CCL25: variants seen among roughly 807,000 people sequenced by gnomAD.
CCL25 encodes the protein C-C motif chemokine 25.
In CCL25, 14 loss-of-function variants were observed where a neutral mutation model predicts 19.9. That is an observed-to-expected ratio of 0.70 (90% CI 0.47 to 1.10). The LOEUF (loss-of-function observed/expected upper bound fraction) is 1.10, where lower values mean the gene tolerates loss of function less well. Ranked by LOEUF, CCL25 falls within the 50% of genes least tolerant of loss-of-function variation. The pLI, the probability that CCL25 is intolerant of heterozygous loss-of-function variation, is 0.00. For synonymous variants in CCL25, 68 were observed against 73.2 expected, an observed-to-expected ratio of 0.93 and a Z score of 0.36; for missense variants, 151 against 181.2, an observed-to-expected ratio of 0.83 and a Z score of 0.96.
At chr19:8,054,464 C>T (rs967332102) in intron 2 of CCL25, among the ~76,000 whole-genome samples, 13 of 152,228 alleles carry the variant, frequency 8.5e-5, no homozygotes, top group Non-Finnish European at 5.9e-5. Context: ...CTCCCTTTCC[C>T]TGCTCCTGCT....
At chr19:8,054,503 G>A (rs769349147) in intron 2 of CCL25, among the ~76,000 whole-genome samples, 4 of 152,118 alleles carry the variant, frequency 2.6e-5, no homozygotes, top group Admixed American at 6.6e-5. Context: ...ACTCAGACTC[G>A]GCCTCTGGAG....
intron 5 of CCL25, 31 bp downstream of exon 5, chr19:8,057,951 C>A: frequency 6.2e-7 from 1 of 1,602,444 alleles, no homozygotes; most frequent in South Asian, 1.1e-5. Context: ...GACTGTCTCC[C>A]ATCCATCACC....
chr19:8,055,029 G>A (rs986414120), intron 2 of CCL25, among the ~76,000 whole-genome samples: 3 of 150,892 alleles, frequency 2.0e-5, no homozygotes, highest in Admixed American at 6.6e-5. Context: ...AGTGGCTCAC[G>A]CCTGTAATCC....
At chr19:8,057,069 G>A (rs2081277403) in intron 4 of CCL25, among the ~76,000 whole-genome samples, 1 of 152,132 alleles carries the variant, frequency 6.6e-6, no homozygotes, top group East Asian at 1.9e-4. Flanking sequence ...CATCCAGGCT[G>A]GAGTGCAGTG....
Position 8,055,543 on chromosome 19 carries a change from C to T in CCL25, c.74-609C>T, listed in dbSNP as rs146803226. On this transcript the variant is annotated intron_variant, in intron 2 of 5. Coordinates refer to ENST00000315626, the MANE Select transcript of CCL25 (RefSeq NM_005624.4). ...TAGAGACGGGGTTTCACCGTGTTAG[C>T]CAGGATGGTCTCAATCTCCTGACCT... 2.1e-3 allele frequency among the ~76,000 whole-genome samples: 317 copies of T among 151,950 alleles called. 3 individuals are homozygous for T. The East Asian group carries it at 0.039, about 19-fold the overall frequency.
chr19:8,061,689 A>G (rs1447605106), intron 5 of CCL25, among the ~76,000 whole-genome samples: 1 of 152,016 alleles, frequency 6.6e-6, no homozygotes, highest in Non-Finnish European at 1.5e-5. Context: ...AACAGAATTC[A>G]AAGACCAAAT....
intron 4 of CCL25, among the ~76,000 whole-genome samples, chr19:8,057,520 A>G (rs2081281205): frequency 6.6e-6 from 1 of 151,714 alleles, no homozygotes; most frequent in Non-Finnish European, 1.5e-5. Flanking sequence ...TTTTGCAGAG[A>G]CAGGTTGTGC....
At chr19:8,057,764 G>A in intron 4 of CCL25, 37 bp from the exon 5 acceptor site, 1 of 1,585,764 alleles carries the variant, frequency 6.3e-7, no homozygotes, top group Non-Finnish European at 8.6e-7. Context: ...AAGGATGATG[G>A]CAGAGCTCTT....
intron 5 of CCL25, among the ~76,000 whole-genome samples, chr19:8,060,453 G>A (rs573735079): frequency 7.9e-5 from 12 of 152,214 alleles, no homozygotes; most frequent in African/African-American, 1.4e-4. Flanking sequence ...TTCTGTTCCC[G>A]TGGAGTTGCA....
In CCL25 at chr19:8,062,253, A is replaced by C. The variant is rs1193088354; in HGVS notation, c.*28A>C. ...CGGCTCATTTCTGGGCTCCATCGGC[A>C]CAGGAGGGGCCGGATCTTTCTCCGA... is the stretch of plus-strand genomic sequence containing the variant. On this transcript the variant is annotated 3_prime_UTR_variant, in exon 6 of 6. Coordinates refer to ENST00000315626, the MANE Select transcript of CCL25 (RefSeq NM_005624.4). 1 of 1,612,418 alleles carries C rather than the reference A, an allele frequency of 6.2e-7. No individual in the cohort carries two copies. The highest frequency in any genetic ancestry group is 1.3e-5 in the African/African-American group (1 of 74,962).
chr19:8,062,127 C>A, intron 5 of CCL25, 91 bp from the exon 6 acceptor site: 1 of 1,226,494 alleles, frequency 8.2e-7, no homozygotes, highest in Non-Finnish European at 1.2e-6. Flanking sequence ...GTTTTAGGAG[C>A]TGTAGGGACT....
upstream of CCL25, chr19:8,052,635 G>C (rs1398685437): frequency 6.1e-6 from 1 of 165,156 alleles, no homozygotes; most frequent in Non-Finnish European, 1.2e-5. Context: ...GGAGCTTGCT[G>C]TAGAAGAGGG....
At chr19:8,056,130 C>A in intron 2 of CCL25, 22 bp from the exon 3 acceptor site, 1 of 1,479,556 alleles carries the variant, frequency 6.8e-7, no homozygotes, top group Non-Finnish European at 9.1e-7. Flanking sequence ...GTGCGAGTAT[C>A]TGGGCGGCTG....
At chr19:8,059,265 C>T (rs2081302148) in intron 5 of CCL25, among the ~76,000 whole-genome samples, 1 of 146,568 alleles carries the variant, frequency 6.8e-6, no homozygotes, top group South Asian at 2.1e-4. Flanking sequence ...GTGGTGCCAT[C>T]TCGGCTCACT....
At chr19:8,055,577 G>T (rs558704751) in intron 2 of CCL25, among the ~76,000 whole-genome samples, 2 of 151,390 alleles carry the variant, frequency 1.3e-5, no homozygotes, top group South Asian at 2.1e-4. Context: ...CTCGTGATCC[G>T]CCCACCTTGG....
chr19:8,056,912 A>G (rs556221414), intron 4 of CCL25, among the ~76,000 whole-genome samples: 1 of 152,180 alleles, frequency 6.6e-6, no homozygotes. Context: ...GCGCCATCAC[A>G]GCTCACTGAA....
intron 5 of CCL25, among the ~76,000 whole-genome samples, chr19:8,060,706 A>T (rs898066037): frequency 6.9e-6 from 1 of 144,496 alleles, no homozygotes; most frequent in Non-Finnish European, 1.5e-5. Flanking sequence ...TTTGAGATGG[A>T]GTCTTGCTCT....
chr19:8,056,602 G>A, intron 4 of CCL25, 103 bp downstream of exon 4: 1 of 1,334,208 alleles, frequency 7.5e-7, no homozygotes, highest in Non-Finnish European at 1.0e-6. Context: ...CCAGAATACT[G>A]ACACCTGCCT....
intron 2 of CCL25, 95 bp downstream of exon 2, chr19:8,053,217 A>C: frequency 2.8e-6 from 2 of 707,588 alleles, no homozygotes; most frequent in Non-Finnish European, 4.5e-6. Flanking sequence ...AGTCTCCCCA[A>C]TCCCATCTCC....
Sources: gnomAD v4.1 joint callset for allele counts (sites outside exome capture counted in the v4.1 genomes callset) on GRCh38, gnomAD v4.1.1 for gene constraint, MANE v1.5 for transcripts, NCBI Gene and HGNC (gene_info 2026-07-23, HGNC 2026-07-21) for gene names.